Variants in WDR27 observed in about 807,000 individuals in gnomAD.
WDR27 encodes WD repeat-containing protein 27.
A neutral mutation model predicts 114.4 loss-of-function variants in WDR27; 100 were observed. The ratio of observed to expected loss-of-function variants is 0.87; its 90% CI spans 0.74 to 1.03. The LOEUF is 1.03. Ranked by LOEUF, WDR27 falls within the 50% of genes least tolerant of loss-of-function variation. WDR27 has a pLI of 0.00. For missense variants in WDR27, 1,129 were observed against 1,092.9 expected, an observed-to-expected ratio of 1.03 and a Z score of -0.47; for synonymous variants, 449 against 423.1, an observed-to-expected ratio of 1.06 and a Z score of -0.75.
chr6:169,533,299 TG>T (rs1442857174), intron 25 of WDR27, among the ~76,000 whole-genome samples: 8 of 103,546 alleles, frequency 7.7e-5, no homozygotes, highest in Admixed American at 3.1e-4. Context: ...GCAGGAAAAT[TG>T]GGGGGGGCGG....
intron 5 of WDR27, chr6:169,667,509 T>A: frequency 2.2e-6 from 1 of 449,258 alleles, no homozygotes; most frequent in Non-Finnish European, 2.9e-6. Context: ...GCGGAAACTG[T>A]AGCAGTCTAC....
At chr6:169,638,857 G>C (rs1818402785) in intron 17 of WDR27, among the ~76,000 whole-genome samples, 197 bp from the exon 18 acceptor site, 1 of 152,232 alleles carries the variant, frequency 6.6e-6, no homozygotes, top group African/African-American at 2.4e-5. Flanking sequence ...CTTCAGTAGA[G>C]ACTCAGTGTG....
chr6:169,626,819 G>A (rs919037396), intron 21 of WDR27, among the ~76,000 whole-genome samples: 4 of 152,348 alleles, frequency 2.6e-5, no homozygotes, highest in Admixed American at 2.6e-4. Context: ...CGTTCATCCA[G>A]TGTGTAAAAC....
chr6:169,696,247 A>T (rs958465389), intron 1 of WDR27, among the ~76,000 whole-genome samples: 1 of 152,216 alleles, frequency 6.6e-6, no homozygotes, highest in Non-Finnish European at 1.5e-5. Context: ...GACTAGAACA[A>T]GCAATCAACA....
intron 1 of WDR27, among the ~76,000 whole-genome samples, chr6:169,696,426 GCACA>G (rs1377949913): frequency 7.2e-5 from 11 of 152,186 alleles, no homozygotes; most frequent in Admixed American, 2.0e-4. Context: ...ATACACACAT[GCACA>G]CAAAGAATCC....
At chr6:169,472,098 C>T (rs929973068) in intron 25 of WDR27, among the ~76,000 whole-genome samples, 4 of 152,162 alleles carry the variant, frequency 2.6e-5, no homozygotes, top group African/African-American at 9.7e-5. Flanking sequence ...TCATGTGTTA[C>T]CAATCCATCA....
intron 25 of WDR27, among the ~76,000 whole-genome samples, chr6:169,550,051 T>C (rs907423542): frequency 2.0e-5 from 3 of 152,060 alleles, no homozygotes; most frequent in African/African-American, 7.2e-5. Context: ...TGTGTCAATG[T>C]AGGTTCATCA....
intron 23 of WDR27, among the ~76,000 whole-genome samples, chr6:169,586,680 C>G (rs71552391): frequency 1.3e-4 from 20 of 151,946 alleles, no homozygotes; most frequent in Admixed American, 1.1e-3. Context: ...GAAACCCCGT[C>G]TCTACTAAAA....
At chr6:169,690,442 C>T (rs955998148) in intron 1 of WDR27, among the ~76,000 whole-genome samples, 14 of 152,218 alleles carry the variant, frequency 9.2e-5, no homozygotes, top group African/African-American at 3.1e-4. Flanking sequence ...TCAGCACGCA[C>T]ACTTTATCTT....
intron 1 of WDR27, among the ~76,000 whole-genome samples, chr6:169,689,596 A>T: frequency 6.6e-6 from 1 of 152,264 alleles, no homozygotes; most frequent in East Asian, 1.9e-4. Context: ...TATGTTTCGT[A>T]AAGCATAAAC....
At chr6:169,654,750 GGGT>G (rs991574144) in intron 13 of WDR27, among the ~76,000 whole-genome samples, 7 of 150,354 alleles carry the variant, frequency 4.7e-5, no homozygotes, top group African/African-American at 1.7e-4. Context: ...GGCGCGCACA[GGGT>G]TAGGCGGCGC....
intron 21 of WDR27, among the ~76,000 whole-genome samples, chr6:169,624,118 G>T (rs966928695): frequency 2.3e-5 from 3 of 132,244 alleles, no homozygotes; most frequent in East Asian, 7.7e-4. Flanking sequence ...CCGTGTGTGG[G>T]GTCAGGTGTG....
At chr6:169,486,689 G>A (rs1788961990) in intron 25 of WDR27, among the ~76,000 whole-genome samples, 2 of 151,992 alleles carry the variant, frequency 1.3e-5, no homozygotes, top group Non-Finnish European at 2.9e-5. Flanking sequence ...ACGGGATTTC[G>A]CCATGTTAGT....
intron 25 of WDR27, among the ~76,000 whole-genome samples, chr6:169,472,511 T>C (rs1786560277): frequency 6.6e-6 from 1 of 152,200 alleles, no homozygotes; most frequent in Non-Finnish European, 1.5e-5. Flanking sequence ...GGTAATAATA[T>C]TACTTATCTA....
intron 6 of WDR27, chr6:169,666,552 G>C: frequency 1.0e-6 from 1 of 985,526 alleles, no homozygotes; most frequent in Non-Finnish European, 1.2e-6. Flanking sequence ...GGGCTGCACG[G>C]GAGAGGTGCT....
rs749442354 is a variant in WDR27 at position 169,672,248 on chromosome 6, C to A, written c.331+7G>T. 1.7e-5 allele frequency: 28 copies of A among 1,611,108 alleles called. No homozygotes were observed. Among genetic ancestry groups the A allele is most frequent in the Non-Finnish European group, 2.3e-5 (27 of 1,178,832 alleles). ...TTTTTAAAAACATGTTTTAGATTTT[C>A]ATTTACCTTGAAGTACTTTCTCTCT... On this transcript the variant is annotated splice_region_variant and intron_variant, in intron 3 of 25. Coordinates refer to ENST00000448612, the MANE Select transcript of WDR27 (RefSeq NM_182552.5).
intron 7 of WDR27, 84 bp downstream of exon 7, chr6:169,665,402 G>C (rs1827555925): frequency 5.3e-6 from 8 of 1,518,678 alleles, no homozygotes; most frequent in Non-Finnish European, 7.1e-6. Context: ...AAAATACAAA[G>C]TAGCATGAAG....
chr6:169,566,944 T>G (rs1800598321), intron 25 of WDR27, among the ~76,000 whole-genome samples: 1 of 152,184 alleles, frequency 6.6e-6, no homozygotes, highest in African/African-American at 2.4e-5. Flanking sequence ...CTCCATTTAT[T>G]AAAAATGCAT....
intron 25 of WDR27, among the ~76,000 whole-genome samples, chr6:169,477,357 T>TGAGAATTGTTTTATATATATAAGA (rs1787325001): frequency 6.6e-6 from 1 of 152,232 alleles, no homozygotes; most frequent in Non-Finnish European, 1.5e-5. Flanking sequence ...TTAAAACAAG[T>TGAGAATTGTTTTATATATATAAGA]GTAATTCTTA....
Sources: gnomAD v4.1 joint callset for allele counts (sites outside exome capture counted in the v4.1 genomes callset) on GRCh38, gnomAD v4.1.1 for gene constraint, MANE v1.5 for transcripts, NCBI Gene and HGNC (gene_info 2026-07-23, HGNC 2026-07-21) for gene names.